Variants in CTCF observed in about 807,000 individuals in gnomAD.
CTCF encodes CCCTC-binding factor.
A neutral mutation model predicts 72.3 loss-of-function variants in CTCF; 7 were observed. The ratio of observed to expected loss-of-function variants is 0.10; its 90% confidence interval spans 0.06 to 0.18. CTCF has a LOEUF of 0.18. Ranked by LOEUF, CTCF falls within the 10% of genes least tolerant of loss-of-function variation. CTCF has a pLI of 1.00. For missense variants in CTCF, 516 were observed against 949.1 expected (o/e 0.54, Z 6.00); for synonymous variants, 374 against 315.8 (o/e 1.18, Z -1.95).
At chr16:67,599,696 C>T (rs2051862063) in intron 2 of CTCF, among the ~76,000 whole-genome samples, 1 of 152,138 alleles carries the variant, frequency 6.6e-6, no homozygotes, top group Admixed American at 6.5e-5. Flanking sequence ...TAGAGAAACA[C>T]AATAAGGATC....
chr16:67,628,471 G>A lies in CTCF; in HGVS notation c.1620G>A (p.Met540Ile). The A allele has an allele frequency of 6.2e-7, 1 of 1,614,224 alleles. No individual in the cohort carries two copies. The highest frequency in any genetic ancestry group is 8.5e-7 in the Non-Finnish European group (1 of 1,180,048). ...KTFRQKQLLDMHFKRYHDPNF... is the reference protein window; with the variant it reads ...KTFRQKQLLDIHFKRYHDPNF... ...TCCGCCAGAAGCAGCTTCTCGACAT[G>A]CACTTCAAGCGCTATCACGACCCCA... is the stretch of plus-strand genomic sequence containing the variant. The change falls in exon 9 of 12, where the codon ATG becomes ATA. Residue 540 changes from methionine (M) to isoleucine (I), a missense_variant. Physicochemically the swap from Met to Ile is conservative, Grantham distance 10 (BLOSUM62 1). Coordinates refer to ENST00000264010, the MANE Select transcript of CTCF (RefSeq NM_006565.4).
chr16:67,620,490 C>T (rs1317175962), intron 5 of CTCF, among the ~76,000 whole-genome samples: 1 of 152,114 alleles, frequency 6.6e-6, no homozygotes, highest in Non-Finnish European at 1.5e-5. Flanking sequence ...TTATCTATAC[C>T]CGTATTCATT....
chr16:67,563,038 C>T (rs1289549215), intron 1 of CTCF, among the ~76,000 whole-genome samples: 2 of 151,228 alleles, frequency 1.3e-5, no homozygotes, highest in Non-Finnish European at 3.0e-5. Context: ...CTTTGTCTGC[C>T]CTCGAGGCCG....
At position 67,598,680 on chromosome 16, in the gene CTCF, T is replaced by C. The variant is rs539333193; in HGVS notation, c.-9-12144T>C. On this transcript the variant is annotated intron_variant, in intron 2 of 11. Transcript: ENST00000264010. ...GCAATTTCTCCCACATATCTTTTAG[T>C]GTAAGCTAAGGCATGATGCCAAAGT... is the stretch of plus-strand genomic sequence containing the variant. 2.0e-5 allele frequency among the ~76,000 whole-genome samples: 3 copies of C among 152,360 alleles called. No individual in the cohort carries two copies. In the East Asian group the frequency reaches 5.8e-4, roughly 29 times the overall value.
At chr16:67,573,957 G>A (rs1315696887) in intron 2 of CTCF, among the ~76,000 whole-genome samples, 1 of 152,028 alleles carries the variant, frequency 6.6e-6, no homozygotes, top group Admixed American at 6.6e-5. Context: ...CTTGAACCCG[G>A]GAGGCGGAAG....
intron 5 of CTCF, among the ~76,000 whole-genome samples, chr16:67,619,305 G>A (rs746556832): frequency 1.3e-5 from 2 of 152,040 alleles, no homozygotes; most frequent in South Asian, 2.1e-4. Context: ...GCCTGGTGGC[G>A]TGCGCCTGTA....
Position 67,636,768 on chromosome 16 carries a change from A to G in CTCF, c.1916A>G (p.Gln639Arg). 6.2e-7 allele frequency: 1 copy of G among 1,607,464 alleles called. No homozygotes were observed. The highest frequency in any genetic ancestry group is 8.5e-7 in the Non-Finnish European group (1 of 1,176,978). The change falls in exon 11 of 12, where the codon CAG becomes CGG. Residue 639 changes from glutamine (Q) to arginine (R), a missense_variant. Physicochemically the swap from Gln to Arg is conservative, Grantham distance 43. Coordinates refer to ENST00000264010, the MANE Select transcript of CTCF (RefSeq NM_006565.4). ...AVEIEPEPEP[Q>R]PVTPAPPPAK... is the part of the protein sequence containing the mutation. ...GAAATTGAACCTGAGCCAGAGCCTC[A>G]GCCTGTGACCCCAGCCCCACCACCC...
intron 2 of CTCF, among the ~76,000 whole-genome samples, chr16:67,592,383 C>T (rs1046392101): frequency 2.0e-5 from 3 of 152,024 alleles, no homozygotes; most frequent in African/African-American, 7.3e-5. Flanking sequence ...TGCGCTCCAG[C>T]CTGGGTGGCA....
chr16:67,619,391 G>C (rs558406739), intron 5 of CTCF, among the ~76,000 whole-genome samples: 4 of 152,188 alleles, frequency 2.6e-5, no homozygotes, highest in South Asian at 2.1e-4. Flanking sequence ...ACCCACAATC[G>C]TGACAGTGTA....
chr16:67,605,626 T>A (rs953755137), intron 2 of CTCF, among the ~76,000 whole-genome samples: 1 of 152,258 alleles, frequency 6.6e-6, no homozygotes, highest in Non-Finnish European at 1.5e-5. Flanking sequence ...AAGCCCGGCT[T>A]TTGCCCTTAA....
intron 1 of CTCF, chr16:67,568,186 TCTC>T (rs1415653544): frequency 2.0e-5 from 3 of 151,672 alleles, no homozygotes; most frequent in Non-Finnish European, 4.4e-5. Context: ...TTCAAGTGAT[TCTC>T]CTGCTTCAGC....
rs1567603952 is a variant in CTCF, at chr16:67,601,334, TG to T, written c.-9-9489del. Reference sequence around the variant, plus strand: ...GTGTGTGTGTGTGTGTGTGTGTGTGTGTGTTTTGTTTTGTTTTTTTTTAAGA... The same window carrying T: ...GTGTGTGTGTGTGTGTGTGTGTGTGTTGTTTTGTTTTGTTTTTTTTTAAGA... On this transcript the variant is annotated intron_variant, in intron 2 of 11. Transcript: ENST00000264010. Among the ~76,000 whole-genome samples, 3 of 147,362 alleles carry T rather than the reference TG, an allele frequency of 2.0e-5. No individual in the cohort carries two copies. In the East Asian group the frequency reaches 6.0e-4, roughly 29 times the overall value.
At chr16:67,569,957 C>T (rs2051392207) in intron 1 of CTCF, among the ~76,000 whole-genome samples, 1 of 152,100 alleles carries the variant, frequency 6.6e-6, no homozygotes, top group Non-Finnish European at 1.5e-5. Flanking sequence ...AGTTATCTTA[C>T]TAAACTGGAA....
intron 1 of CTCF, among the ~76,000 whole-genome samples, chr16:67,564,911 A>G (rs1244323892): frequency 6.6e-6 from 1 of 152,146 alleles, no homozygotes; most frequent in Non-Finnish European, 1.5e-5. Flanking sequence ...AAATTCCCAT[A>G]TGCCAGGAAT....
chr16:67,601,088 C>T (rs2051879685), intron 2 of CTCF, among the ~76,000 whole-genome samples: 1 of 152,018 alleles, frequency 6.6e-6, no homozygotes, highest in Non-Finnish European at 1.5e-5. Context: ...GCTAGAAGCG[C>T]AGTCCCCAGG....
chr16:67,635,689 A>C (rs1361691969), intron 10 of CTCF: 1 of 151,548 alleles, frequency 6.6e-6, no homozygotes, highest in East Asian at 2.0e-4. Flanking sequence ...GGGTTTCTCC[A>C]TGTTGGACAG....
At chr16:67,616,371 C>T (rs1345514482) in intron 4 of CTCF, 1 of 178,722 alleles carries the variant, frequency 5.6e-6, no homozygotes, top group Non-Finnish European at 1.2e-5. Context: ...TGGTCTCAAA[C>T]TCTTAGCCTC....
chr16:67,603,652 C>G (rs2051929002), intron 2 of CTCF, among the ~76,000 whole-genome samples: 1 of 151,718 alleles, frequency 6.6e-6, no homozygotes, highest in Non-Finnish European at 1.5e-5. Flanking sequence ...GGTGAAACCC[C>G]GTCTCTACTA....
intron 5 of CTCF, among the ~76,000 whole-genome samples, chr16:67,618,724 A>G (rs142818037): frequency 6.4e-4 from 97 of 152,358 alleles, no homozygotes; most frequent in African/African-American, 2.3e-3. Flanking sequence ...CAGTAACGTC[A>G]ATAGTGATAG....
Sources: allele counts gnomAD v4.1 joint callset (sites outside exome capture counted in the v4.1 genomes callset), GRCh38; gene constraint gnomAD v4.1.1; transcripts MANE v1.5; gene names NCBI Gene and HGNC (gene_info 2026-07-23, HGNC 2026-07-21).